PKP2: variants seen among roughly 807,000 people sequenced by gnomAD.
PKP2 encodes the protein plakophilin 2, also known as plakophilin-2.
In PKP2, 73 loss-of-function variants were observed where a neutral mutation model predicts 83.4. The observed-to-expected ratio is 0.88, with a 90% CI of 0.72 to 1.06. PKP2 has a LOEUF of 1.06. Among genes scored for constraint, PKP2 ranks in the 50% least tolerant of loss-of-function variants. The pLI is 0.00. For missense variants in PKP2, 966 were observed against 1,065.4 expected (o/e 0.91, Z 1.30); for synonymous variants, 409 against 430.4 (o/e 0.95, Z 0.62).
intron 4 of PKP2, among the ~76,000 whole-genome samples, chr12:32,859,755 C>T (rs929314387): frequency 1.3e-5 from 2 of 152,070 alleles, no homozygotes; most frequent in Non-Finnish European, 2.9e-5. Context: ...TATACCTGGC[C>T]CTCAATAACT....
At chr12:32,826,998 A>G (rs1592740181) in intron 6 of PKP2, among the ~76,000 whole-genome samples, 1 of 152,234 alleles carries the variant, frequency 6.6e-6, no homozygotes, top group East Asian at 1.9e-4. Context: ...TGATGTTATC[A>G]TATGTTTAAA....
intron 1 of PKP2, among the ~76,000 whole-genome samples, chr12:32,886,421 T>A (rs1324710601): frequency 1.3e-5 from 2 of 152,172 alleles, no homozygotes; most frequent in Non-Finnish European, 2.9e-5. Flanking sequence ...CTAGCAATAG[T>A]AGGAGCTTAA....
At chr12:32,800,968 T>C (rs1239191716) in intron 10 of PKP2, among the ~76,000 whole-genome samples, 1 of 152,260 alleles carries the variant, frequency 6.6e-6, no homozygotes, top group Non-Finnish European at 1.5e-5. Context: ...AAAGCTCTCA[T>C]GAGAAACACA....
chr12:32,896,644 G>C lies in PKP2; in HGVS notation c.88C>G (p.Leu30Val). The change falls in exon 1 of 13, where the codon CTG becomes GTG. Residue 30 changes from leucine to valine, a missense_variant. By Grantham distance (32) the Leu-to-Val change is conservative (BLOSUM62 1). Transcript: ENST00000340811. ...QILGQLDSSS[L>V]ALPSEAKLKL... ...AGCTTGGCCTCGGAGGGCAGCGCCA[G>C]GCTGGAGCTGTCCAGTTGTCCCAGG... is the stretch of plus-strand genomic sequence containing the variant. 1 of 1,571,650 alleles carries C rather than the reference G, an allele frequency of 6.4e-7. No individual in the cohort carries two copies. The highest frequency in any genetic ancestry group is 2.3e-5 in the East Asian group (1 of 43,236).
chr12:32,859,464 T>C (rs1173929441), intron 4 of PKP2, among the ~76,000 whole-genome samples: 1 of 151,528 alleles, frequency 6.6e-6, no homozygotes, highest in Non-Finnish European at 1.5e-5. Flanking sequence ...TTTTTTTTTG[T>C]GTGTGTGTGT....
chr12:32,834,991 G>GTA (rs1956531984), intron 6 of PKP2, among the ~76,000 whole-genome samples: 1 of 149,014 alleles, frequency 6.7e-6, no homozygotes, highest in Admixed American at 6.7e-5. Flanking sequence ...GTGTGTGTGT[G>GTA]TGTGTGTGTG....
intron 5 of PKP2, among the ~76,000 whole-genome samples, chr12:32,842,615 G>C (rs1174424167): frequency 6.6e-6 from 1 of 152,132 alleles, no homozygotes; most frequent in African/African-American, 2.4e-5. Context: ...GGGGCAGAAA[G>C]AGAAGGGATG....
intron 9 of PKP2, among the ~76,000 whole-genome samples, chr12:32,811,645 A>G (rs145757818): frequency 1.6e-3 from 239 of 152,332 alleles, no homozygotes; most frequent in African/African-American, 5.5e-3. Flanking sequence ...CACTTTCAAT[A>G]CATGATCAAA....
chr12:32,880,030 C>G (rs1043510243), intron 1 of PKP2, among the ~76,000 whole-genome samples: 4 of 151,382 alleles, frequency 2.6e-5, no homozygotes, highest in African/African-American at 4.9e-5. Context: ...GGCAGGAATT[C>G]GGAAGCTTCT....
Position 32,822,565 on chromosome 12 carries a change from T to C in PKP2, c.1741A>G (p.Lys581Glu). The C allele has an allele frequency of 6.2e-7, 1 of 1,614,122 alleles. No individual in the cohort carries two copies. The highest frequency in any genetic ancestry group is 2.2e-5 in the East Asian group (1 of 44,876). Residue 581 changes from lysine (K) to glutamate (E), a missense_variant, in exon 8 of 13, where the codon AAA becomes GAA. Physicochemically the swap from Lys to Glu is moderately conservative, Grantham distance 56 (BLOSUM62 1). Coordinates refer to ENST00000340811, the MANE Select transcript of PKP2 (RefSeq NM_001005242.3). ...SYQLEAELPE[K>E]YSQNIYIQNR... ...TGAATATAGATATTCTGGGAATATTTCTCTGGGAGCTCTGCCTCCAGCTGG... is the reference window on the plus strand; with the variant it reads ...TGAATATAGATATTCTGGGAATATTCCTCTGGGAGCTCTGCCTCCAGCTGG...
Position 32,792,347 on chromosome 12 carries a change from T to A in PKP2, c.*77A>T. On this transcript the variant is annotated 3_prime_UTR_variant, in exon 13 of 13. Coordinates refer to ENST00000340811, the MANE Select transcript of PKP2 (RefSeq NM_001005242.3). ...ATAGAAACAAGGCATGCTTTTGAGGTTTCTTGGGCTGGGTAGTAGAAAAAT... is the reference window on the plus strand; with the variant it reads ...ATAGAAACAAGGCATGCTTTTGAGGATTCTTGGGCTGGGTAGTAGAAAAAT... The A allele has an allele frequency of 4.9e-6, 5 of 1,018,806 alleles. No individual in the cohort carries two copies. The South Asian group carries it at 6.3e-5, about 13-fold the overall frequency. 63.1% of individuals were successfully genotyped at this position (1,018,806 alleles called of 1,614,324 possible).
chr12:32,836,242 A>C (rs956084540), intron 6 of PKP2, among the ~76,000 whole-genome samples: 6 of 152,352 alleles, frequency 3.9e-5, no homozygotes, highest in African/African-American at 1.4e-4. Flanking sequence ...TGTAATTCCA[A>C]AGGGACCTAA....
chr12:32,794,443 C>T (rs915240384), intron 11 of PKP2, among the ~76,000 whole-genome samples: 3 of 152,200 alleles, frequency 2.0e-5, no homozygotes, highest in African/African-American at 7.2e-5. Flanking sequence ...GAGCAGCAGA[C>T]ACCACTGGCA....
chr12:32,807,081 G>A (rs1956232380), intron 9 of PKP2, among the ~76,000 whole-genome samples: 1 of 152,106 alleles, frequency 6.6e-6, no homozygotes, highest in Admixed American at 6.6e-5. Flanking sequence ...GGTTTCTTAT[G>A]ATTTCGGTTC....
At chr12:32,849,710 C>T (rs1956680368) in intron 5 of PKP2, among the ~76,000 whole-genome samples, 1 of 152,196 alleles carries the variant, frequency 6.6e-6, no homozygotes, top group Non-Finnish European at 1.5e-5. Flanking sequence ...TTAATTCTAT[C>T]TGATTAGTCC....
intron 1 of PKP2, among the ~76,000 whole-genome samples, chr12:32,885,683 A>G (rs1187081933): frequency 1.3e-5 from 2 of 152,002 alleles, no homozygotes; most frequent in Non-Finnish European, 2.9e-5. Flanking sequence ...AAAAAAACTA[A>G]GTTGATTTTC....
chr12:32,849,912 T>C (rs546809674), intron 5 of PKP2, among the ~76,000 whole-genome samples: 1 of 152,346 alleles, frequency 6.6e-6, no homozygotes, highest in South Asian at 2.1e-4. Flanking sequence ...TTTCTAATAT[T>C]TGATTACATT....
chr12:32,815,346 C>A (rs893575613), intron 9 of PKP2, among the ~76,000 whole-genome samples: 2 of 152,182 alleles, frequency 1.3e-5, no homozygotes, highest in Non-Finnish European at 2.9e-5. Context: ...TTCCTTACCA[C>A]TACTCCCTAA....
At chr12:32,830,216 T>C (rs1328407452) in intron 6 of PKP2, among the ~76,000 whole-genome samples, 1 of 152,204 alleles carries the variant, frequency 6.6e-6, no homozygotes, top group African/African-American at 2.4e-5. Flanking sequence ...TTATTTGAGA[T>C]TTAGGCTTGG....
Sources: allele counts gnomAD v4.1 joint callset (sites outside exome capture counted in the v4.1 genomes callset), GRCh38; gene constraint gnomAD v4.1.1; transcripts MANE v1.5; gene names NCBI Gene and HGNC (gene_info 2026-07-23, HGNC 2026-07-21).